The following FAM222A variants were observed in gnomAD, a reference collection of about 807,000 sequenced individuals.
FAM222A encodes protein FAM222A.
FAM222A carries 7 observed loss-of-function variants against 25.8 expected under a neutral mutation model. That is an observed-to-expected ratio of 0.27 (90% CI 0.15 to 0.51). The LOEUF (loss-of-function observed/expected upper bound fraction) is 0.51, where lower values mean the gene tolerates loss of function less well. Among genes scored for constraint, FAM222A ranks in the 20% least tolerant of loss-of-function variants. The pLI is 0.97. For missense variants in FAM222A, 573 were observed against 640.5 expected (o/e 0.89, Z 1.14); for synonymous variants, 294 against 298.8 (o/e 0.98, Z 0.17).
intron 2 of FAM222A, among the ~76,000 whole-genome samples, chr12:109,746,169 T>C (rs573695349): frequency 6.6e-6 from 1 of 152,296 alleles, no homozygotes; most frequent in Non-Finnish European, 1.5e-5. Context: ...TCCCCCAGGT[T>C]TCTTATAGAT....
chr12:109,750,112 C>A (rs905558016), intron 2 of FAM222A, among the ~76,000 whole-genome samples: 1 of 152,162 alleles, frequency 6.6e-6, no homozygotes, highest in Non-Finnish European at 1.5e-5. Context: ...CCTAAAAAGT[C>A]TTTCACTGTG....
chr12:109,754,447 CCTT>C (rs1328765970), intron 2 of FAM222A, among the ~76,000 whole-genome samples: 8 of 152,178 alleles, frequency 5.3e-5, no homozygotes, highest in Non-Finnish European at 7.4e-5. Flanking sequence ...CAACCGTACT[CCTT>C]GACAGCAGAG....
intron 2 of FAM222A, among the ~76,000 whole-genome samples, chr12:109,765,372 GC>G (rs573625403): frequency 6.5e-4 from 99 of 152,282 alleles, no homozygotes; most frequent in African/African-American, 2.3e-3. Flanking sequence ...TGCAGTGAGA[GC>G]CGCTTTCCTG....
At chr12:109,730,456 C>A (rs945809083) in intron 1 of FAM222A, among the ~76,000 whole-genome samples, 1 of 152,114 alleles carries the variant, frequency 6.6e-6, no homozygotes, top group African/African-American at 2.4e-5. Context: ...GCCACAAGGC[C>A]CACCTCATCA....
chr12:109,750,985 C>T (rs1156789642), intron 2 of FAM222A, among the ~76,000 whole-genome samples: 3 of 152,016 alleles, frequency 2.0e-5, no homozygotes, highest in Admixed American at 6.6e-5. Flanking sequence ...GTCTGTTTTC[C>T]CTGGAACACA....
In FAM222A at chr12:109,760,561, A is replaced by G. The variant is rs968008838; in HGVS notation, c.83-7451A>G. The stretch of plus-strand genomic sequence containing the variant: ...TGGTGTGTGGTTGGCCCTGCTGGGT[A>G]TTTGAACGCTGCTTAAATGTGAACA... On this transcript the variant is annotated intron_variant, in intron 2 of 2. Transcript: ENST00000538780. Among the ~76,000 whole-genome samples the G allele has an allele frequency of 2.6e-5, 4 of 152,270 alleles. No individual in the cohort carries two copies. In the East Asian group the frequency reaches 7.7e-4, roughly 29 times the overall value.
At chr12:109,766,509 G>A (rs1889055049) in intron 2 of FAM222A, among the ~76,000 whole-genome samples, 1 of 152,258 alleles carries the variant, frequency 6.6e-6, no homozygotes, top group Non-Finnish European at 1.5e-5. Flanking sequence ...GGAAGCAAGA[G>A]GCAGCAGCTC....
Position 109,744,150 on chromosome 12 carries a change from C to G in FAM222A, c.4C>G (p.Leu2Val). MLACLQRTQNAP... is the reference protein window; with the variant it reads MVACLQRTQNAP... Reference sequence around the variant, plus strand: ...ACTGGGGACCCCCAGCTCAGCCATGCTGGCCTGTCTGCAGAGGACCCAGAA... The same window carrying G: ...ACTGGGGACCCCCAGCTCAGCCATGGTGGCCTGTCTGCAGAGGACCCAGAA... The change falls in exon 2 of 3, where the codon CTG becomes GTG. Residue 2 changes from leucine (L) to valine (V), a missense_variant. Leu to Val is a conservative substitution (Grantham distance 32). Transcript: ENST00000538780. 6.2e-7 allele frequency: 1 copy of G among 1,613,048 alleles called. No homozygotes were observed. Among genetic ancestry groups the G allele is most frequent in the Non-Finnish European group, 8.5e-7 (1 of 1,179,920 alleles).
rs1232432989 is a variant in FAM222A, at chr12:109,714,655, C to T, written c.-289C>T. 3 of 152,102 alleles carry T rather than the reference C, an allele frequency of 2.0e-5. No individual in the cohort carries two copies. Among genetic ancestry groups the T allele is most frequent in the East Asian group, 1.9e-4 (1 of 5,176 alleles). 9.4% of individuals were successfully genotyped at this position (152,102 alleles called of 1,614,324 possible). ...TGCGTCGCCTGAGCGCCCGCGCGGC[C>T]CCCGTCCGGGGCGGGCGTGACCCCT... On this transcript the variant is annotated 5_prime_UTR_variant, in exon 1 of 3. Coordinates refer to ENST00000538780, the MANE Select transcript of FAM222A (RefSeq NM_032829.3). The surrounding 1 kb of genome is among the most constrained non-coding windows in gnomAD (Gnocchi z 4.2).
At chr12:109,740,022 A>G (rs1291927057) in intron 1 of FAM222A, among the ~76,000 whole-genome samples, 1 of 152,208 alleles carries the variant, frequency 6.6e-6, no homozygotes, top group Non-Finnish European at 1.5e-5. Context: ...CTGCAGCCAG[A>G]CAGGCGAGGG....
chr12:109,756,716 ATAG>A (rs1888743604), intron 2 of FAM222A, among the ~76,000 whole-genome samples: 1 of 152,150 alleles, frequency 6.6e-6, no homozygotes, highest in Admixed American at 6.5e-5. Context: ...GTCATGGTAT[ATAG>A]TCCTTTTTCT....
rs757508749 is a variant in FAM222A, at chr12:109,768,687, G to A, written c.758G>A (p.Cys253Tyr). The change falls in exon 3 of 3, where the codon TGC becomes TAC. Residue 253 changes from cysteine (C) to tyrosine (Y), a missense_variant. By Grantham distance (194) the Cys-to-Tyr change is radical. Transcript: ENST00000538780. The stretch of plus-strand genomic sequence containing the variant: ...TCGGCTGCAGCCGGTCTGCCCGACT[G>A]CCGGAAAGGCACTGAGCTGGGCCAG... The part of the protein sequence containing the change: ...AYSAAAGLPD[C>Y]RKGTELGQGA... 6.3e-7 allele frequency: 1 copy of A among 1,588,802 alleles called. No individual in the cohort carries two copies. The highest frequency in any genetic ancestry group is 1.1e-5 in the South Asian group (1 of 89,384).
At chr12:109,715,850 C>T (rs1167048690) in intron 1 of FAM222A, among the ~76,000 whole-genome samples, 1 of 152,176 alleles carries the variant, frequency 6.6e-6, no homozygotes, top group African/African-American at 2.4e-5. Flanking sequence ...TCCCAGGGTC[C>T]CCAGAGAGAT....
intron 1 of FAM222A, among the ~76,000 whole-genome samples, chr12:109,732,849 TCCCTGACCATCTGCCA>T (rs1412403536): frequency 2.6e-5 from 4 of 152,262 alleles, no homozygotes; most frequent in African/African-American, 9.6e-5. Context: ...CCTACCTCCG[TCCCTGACCATCTGCCA>T]CCCTGAGTGC....
At chr12:109,738,455 C>T (rs998318913) in intron 1 of FAM222A, among the ~76,000 whole-genome samples, 16 of 152,134 alleles carry the variant, frequency 1.1e-4, no homozygotes, top group African/African-American at 3.9e-4. Flanking sequence ...GGCCAGGCAG[C>T]GTGAAGAGAC....
intron 1 of FAM222A, among the ~76,000 whole-genome samples, chr12:109,715,767 T>A (rs948477424): frequency 2.0e-5 from 3 of 148,288 alleles, no homozygotes; most frequent in Admixed American, 6.6e-5. Context: ...AGAGCAACTT[T>A]CTGTTTTGAA....
intron 2 of FAM222A, among the ~76,000 whole-genome samples, chr12:109,766,625 G>A (rs1889058896): frequency 6.6e-6 from 1 of 152,218 alleles, no homozygotes; most frequent in Non-Finnish European, 1.5e-5. Flanking sequence ...AGGAAGGAAG[G>A]CATACGGAGG....
At chr12:109,737,167 G>C (rs1456963814) in intron 1 of FAM222A, among the ~76,000 whole-genome samples, 1 of 152,056 alleles carries the variant, frequency 6.6e-6, no homozygotes, top group Non-Finnish European at 1.5e-5. Context: ...GCCAGAAAGG[G>C]CTTTTGAGCA....
Position 109,768,928 on chromosome 12 carries a change from G to C in FAM222A, c.999G>C (p.Val333=), listed in dbSNP as rs770210812. ...GCGGGTCACCCCTCAACTGTGGCGTGGGGCTGCCCACCAGCTTCACCGTAG... is the reference window on the plus strand; with the variant it reads ...GCGGGTCACCCCTCAACTGTGGCGTCGGGCTGCCCACCAGCTTCACCGTAG... ...RASGSPLNCG[V]GLPTSFTVGQ... is the part of the protein sequence containing the mutation. Residue 333 remains valine (V), a synonymous_variant, in exon 3 of 3, where the codon GTG becomes GTC. Transcript: ENST00000538780. 4 of 1,577,772 alleles carry C rather than the reference G, an allele frequency of 2.5e-6. No homozygotes were observed. In the African/African-American group the frequency reaches 5.4e-5, roughly 21 times the overall value.
Sources: gnomAD v4.1 joint callset for allele counts (sites outside exome capture counted in the v4.1 genomes callset) on GRCh38, gnomAD v4.1.1 for gene constraint, Gnocchi (gnomAD v3.1) non-coding constraint, MANE v1.5 for transcripts, NCBI Gene and HGNC (gene_info 2026-07-23, HGNC 2026-07-21) for gene names.